The following NBAS variants were observed in gnomAD, a reference collection of about 807,000 sequenced individuals.
NBAS encodes the protein NAG/BC035112 fusion.
NBAS carries 219 observed loss-of-function variants against 302.5 expected under a neutral mutation model. The observed-to-expected ratio is 0.72, with a 90% CI of 0.65 to 0.81. The LOEUF (loss-of-function observed/expected upper bound fraction) is 0.81, where lower values mean the gene tolerates loss of function less well. NBAS is among the 30% of genes least tolerant of loss of function. The probability of loss-of-function intolerance (pLI) is 0.00; values close to 1 mark genes in which losing one functional copy is unlikely to be tolerated. For missense variants in NBAS, 2,932 were observed against 2,841.6 expected, an observed-to-expected ratio of 1.03 and a Z score of -0.72; for synonymous variants, 1,118 against 1,021.6, an observed-to-expected ratio of 1.09 and a Z score of -1.80.
intron 25 of NBAS, among the ~76,000 whole-genome samples, chr2:15,403,889 G>A (rs965608519): frequency 6.9e-6 from 1 of 145,564 alleles, no homozygotes; most frequent in African/African-American, 2.5e-5. Context: ...GTGTGTGTGT[G>A]TGTGTGTGTG....
chr2:15,427,985 A>G (rs1276314175), intron 21 of NBAS, among the ~76,000 whole-genome samples, 191 bp from the exon 22 acceptor site: 1 of 152,248 alleles, frequency 6.6e-6, no homozygotes, highest in Non-Finnish European at 1.5e-5. Context: ...GCTGAATCAT[A>G]AAATGGCTCA....
chr2:15,251,871 G>A (rs1257034913), intron 44 of NBAS, among the ~76,000 whole-genome samples: 1 of 152,160 alleles, frequency 6.6e-6, no homozygotes, highest in Non-Finnish European at 1.5e-5. Context: ...TGGGAATGCA[G>A]CCCAGTAAGT....
the NBAS span, among the ~76,000 whole-genome samples, chr2:15,123,539 C>T: frequency 3.3e-5 from 5 of 152,132 alleles, no homozygotes; most frequent in Non-Finnish European, 5.9e-5. Context: ...GTGTTTGGAT[C>T]ATGGGGGCAG....
chr2:15,517,291 A>C (rs1257981042), intron 9 of NBAS, among the ~76,000 whole-genome samples: 1 of 152,180 alleles, frequency 6.6e-6, no homozygotes, highest in African/African-American at 2.4e-5. Flanking sequence ...TGATCCCCAC[A>C]GTACTATTTA....
the NBAS span, among the ~76,000 whole-genome samples, chr2:14,958,711 C>T: frequency 2.6e-5 from 4 of 152,012 alleles, no homozygotes; most frequent in African/African-American, 9.7e-5. Flanking sequence ...ATTGTGGAAA[C>T]AAAAGTTGAT....
chr2:14,891,796 A>G, the NBAS span, among the ~76,000 whole-genome samples: 119 of 152,320 alleles, frequency 7.8e-4, 1 homozygote, highest in African/African-American at 2.8e-3. Context: ...ACTACAGCGC[A>G]TGCCTTCAAC....
At chr2:14,932,621 A>G in the NBAS span, among the ~76,000 whole-genome samples, 2 of 152,216 alleles carry the variant, frequency 1.3e-5, no homozygotes, top group African/African-American at 4.8e-5. Context: ...AGGCATCAAT[A>G]TGACAGGGGC....
the NBAS span, among the ~76,000 whole-genome samples, chr2:14,941,593 G>A: frequency 3.6e-4 from 55 of 152,228 alleles, no homozygotes; most frequent in East Asian, 1.9e-3. Context: ...AATACTTCCC[G>A]GAGCACTGAA....
chr2:14,884,885 G>A, the NBAS span, among the ~76,000 whole-genome samples: 2 of 152,168 alleles, frequency 1.3e-5, no homozygotes, highest in African/African-American at 2.4e-5. Context: ...TGAAAACCAA[G>A]GTAAAGAGAG....
chr2:15,086,878 A>C, the NBAS span, among the ~76,000 whole-genome samples: 1 of 152,128 alleles, frequency 6.6e-6, no homozygotes, highest in Non-Finnish European at 1.5e-5. Context: ...GATTAACATA[A>C]ATCAGTAGAC....
At chr2:14,935,337 T>C in the NBAS span, among the ~76,000 whole-genome samples, 58 of 152,344 alleles carry the variant, frequency 3.8e-4, no homozygotes, top group Admixed American at 2.7e-3. Context: ...TAAAATTTCC[T>C]ACATCTATTT....
chr2:15,358,359 C>T (rs139181292), intron 32 of NBAS, among the ~76,000 whole-genome samples: 2 of 152,178 alleles, frequency 1.3e-5, no homozygotes, highest in Non-Finnish European at 2.9e-5. Context: ...AAAATAAAAG[C>T]CTTGACTGGG....
intron 9 of NBAS, among the ~76,000 whole-genome samples, chr2:15,530,886 G>T (rs897313053): frequency 6.8e-6 from 1 of 147,962 alleles, no homozygotes; most frequent in African/African-American, 2.5e-5. Context: ...GAACGCCAGG[G>T]GAAAAAAAAA....
intron 51 of NBAS, among the ~76,000 whole-genome samples, chr2:15,176,005 G>A (rs1664520462): frequency 6.6e-6 from 1 of 152,168 alleles, no homozygotes; most frequent in Non-Finnish European, 1.5e-5. Flanking sequence ...ATGTCAATAG[G>A]AGCTACTGTC....
the NBAS span, among the ~76,000 whole-genome samples, chr2:14,962,990 C>T: frequency 6.6e-6 from 1 of 151,518 alleles, no homozygotes; most frequent in South Asian, 2.1e-4. Context: ...AGTTCCAGGT[C>T]GGGAGCGGTG....
the NBAS span, among the ~76,000 whole-genome samples, chr2:14,905,230 A>G: frequency 6.6e-6 from 1 of 152,212 alleles, no homozygotes; most frequent in African/African-American, 2.4e-5. Context: ...CCAGCCATCT[A>G]GACATCTTTC....
intron 16 of NBAS, among the ~76,000 whole-genome samples, chr2:15,471,882 G>A (rs1679973194): frequency 6.6e-6 from 1 of 152,080 alleles, no homozygotes; most frequent in Non-Finnish European, 1.5e-5. Flanking sequence ...CTAACACCTT[G>A]ATTTTGCACT....
At chr2:14,923,782 C>A in the NBAS span, among the ~76,000 whole-genome samples, 5 of 152,164 alleles carry the variant, frequency 3.3e-5, no homozygotes, top group South Asian at 8.3e-4. Context: ...CCACTGTGGA[C>A]CACTCATGAA....
chr2:15,318,179 T>C (rs1373392086), intron 38 of NBAS, among the ~76,000 whole-genome samples: 1 of 152,156 alleles, frequency 6.6e-6, no homozygotes, highest in African/African-American at 2.4e-5. Flanking sequence ...AATAAAATCC[T>C]TTACAGACAA....
Sources: allele counts gnomAD v4.1 joint callset (sites outside exome capture counted in the v4.1 genomes callset), GRCh38; gene constraint gnomAD v4.1.1; transcripts MANE v1.5; gene names NCBI Gene and HGNC (gene_info 2026-07-23, HGNC 2026-07-21).